Variants in PAQR3 observed in about 807,000 individuals in gnomAD.
The protein encoded by PAQR3 is progestin and adipoQ receptor family member 3, also known as Raf kinase trapping to Golgi.
In PAQR3, 39 loss-of-function variants were observed where a neutral mutation model predicts 41.7. The observed-to-expected ratio is 0.93, with a 90% CI of 0.72 to 1.22. The LOEUF is 1.22. Ranked by LOEUF, PAQR3 falls within the 50% of genes most tolerant of loss-of-function variation. The pLI is 0.00. For synonymous variants in PAQR3, 140 were observed against 140.6 expected, an observed-to-expected ratio of 1.00 and a Z score of 0.03; for missense variants, 366 against 385.6, an observed-to-expected ratio of 0.95 and a Z score of 0.42.
chr4:78,918,716 A>T lies in PAQR3; in HGVS notation c.*1823T>A, dbSNP rs1735346784. The T allele has an allele frequency of 1.0e-6, 1 of 970,380 alleles. No individual in the cohort carries two copies. The allele number at this position is 970,380 out of a possible 1,614,324, so 60.1% of individuals were successfully genotyped here. On this transcript the variant is annotated 3_prime_UTR_variant, in exon 6 of 6. Transcript: ENST00000512733. ...GATTCAATGTTTTTTTATTTTGAGAAAGTTTTATAATAAAAATGGCTCCAC... is the reference window on the plus strand; with the variant it reads ...GATTCAATGTTTTTTTATTTTGAGATAGTTTTATAATAAAAATGGCTCCAC...
chr4:78,910,908 C>G (rs368925933), downstream of PAQR3: 2 of 1,613,892 alleles, frequency 1.2e-6, no homozygotes, highest in Non-Finnish European at 1.7e-6. Flanking sequence ...ATAGGCCTCT[C>G]CTCATGGATT....
chr4:78,922,934 G>A (rs1735809738), intron 5 of PAQR3: 1 of 456,154 alleles, frequency 2.2e-6, no homozygotes, highest in Non-Finnish European at 4.4e-6. Flanking sequence ...GGAGACTGTT[G>A]TTCACTCCAC....
intron 2 of PAQR3, 106 bp from the exon 3 acceptor site, chr4:78,930,431 T>G: frequency 8.5e-7 from 1 of 1,182,390 alleles, no homozygotes. Flanking sequence ...ATTCAAACAT[T>G]TATGGGCTTG....
intron 11 of PAQR3, among the ~76,000 whole-genome samples, chr4:78,905,114 G>A (rs1577980398): frequency 6.6e-6 from 1 of 151,444 alleles, no homozygotes; most frequent in East Asian, 1.9e-4. Context: ...ATTCTTAGTT[G>A]GGGAACAGCA....
intron 12 of PAQR3, chr4:78,887,422 A>G: frequency 1.5e-6 from 1 of 668,294 alleles, no homozygotes; most frequent in South Asian, 1.8e-5. Context: ...TAGCCATCCT[A>G]CTCTTCTTAA....
rs1735236290 is a variant in PAQR3 at position 78,917,863 on chromosome 4, G to C, written c.*2676C>G. The stretch of plus-strand genomic sequence containing the variant: ...CCATAAGATGTGACAGACATTCCCT[G>C]AATCTTCGTTCCTGATTCTAAAATA... On this transcript the variant is annotated 3_prime_UTR_variant, in exon 6 of 6. Coordinates refer to ENST00000512733, the MANE Select transcript of PAQR3 (RefSeq NM_001040202.2). The C allele has an allele frequency of 3.0e-6, 3 of 985,422 alleles. No homozygotes were observed. The highest frequency in any genetic ancestry group is 3.6e-6 in the Non-Finnish European group (3 of 829,652). 61.0% of individuals were successfully genotyped at this position (985,422 alleles called of 1,614,324 possible). A position where few individuals can be genotyped will look rare whatever the true frequency, so the allele number is the denominator to read the frequency against.
intron 11 of PAQR3, chr4:78,899,158 A>C (rs1467865738): frequency 2.0e-5 from 3 of 152,348 alleles, no homozygotes; most frequent in African/African-American, 2.4e-5. Flanking sequence ...CTTCTCTTAA[A>C]GTAAGTCTAT....
chr4:78,909,955 A>C (rs755935972), downstream of PAQR3, among the ~76,000 whole-genome samples: 4 of 152,208 alleles, frequency 2.6e-5, no homozygotes, highest in African/African-American at 4.8e-5. Flanking sequence ...ATTTGTTTTT[A>C]AAGGAATCTC....
intron 3 of PAQR3, among the ~76,000 whole-genome samples, chr4:78,928,950 A>G (rs1211086819): frequency 1.3e-5 from 2 of 152,246 alleles, no homozygotes; most frequent in East Asian, 1.9e-4. Flanking sequence ...AATCCTTTGC[A>G]TGTGCAGTTC....
chr4:78,909,310 A>G (rs976963743), downstream of PAQR3, among the ~76,000 whole-genome samples: 5 of 152,094 alleles, frequency 3.3e-5, no homozygotes, highest in African/African-American at 9.7e-5. Context: ...TGCTGGGATT[A>G]CAGGGGTGAG....
chr4:78,935,020 G>T, intron 2 of PAQR3, 101 bp downstream of exon 2: 1 of 1,023,512 alleles, frequency 9.8e-7, no homozygotes. Flanking sequence ...CCATTCCGGG[G>T]CTCTTTAAAG....
chr4:78,892,274 G>A (rs973250286), intron 11 of PAQR3, among the ~76,000 whole-genome samples: 1 of 151,952 alleles, frequency 6.6e-6, no homozygotes, highest in Non-Finnish European at 1.5e-5. Flanking sequence ...TTATAGGGCC[G>A]TTTAGATGTT....
intron 5 of PAQR3, chr4:78,922,344 G>T (rs755909132): frequency 7.8e-7 from 1 of 1,288,466 alleles, no homozygotes; most frequent in Non-Finnish European, 1.0e-6. Flanking sequence ...TTTAGGCCAG[G>T]GTTTCTCACC....
chr4:78,890,706 T>C (rs150161183), intron 11 of PAQR3, among the ~76,000 whole-genome samples: 218 of 152,360 alleles, frequency 1.4e-3, no homozygotes, highest in African/African-American at 4.8e-3. Flanking sequence ...ATTTTCATTC[T>C]TCATTACATC....
chr4:78,911,403 C>G, downstream of PAQR3: 3 of 1,613,996 alleles, frequency 1.9e-6, no homozygotes, highest in Non-Finnish European at 2.5e-6. Context: ...GCAATGAGGA[C>G]CTTTTTGGGC....
intron 1 of PAQR3, among the ~76,000 whole-genome samples, chr4:78,938,160 T>G (rs1019475483): frequency 6.6e-6 from 1 of 152,248 alleles, no homozygotes; most frequent in Non-Finnish European, 1.5e-5. Flanking sequence ...ACAGCCCACA[T>G]TCTGGCACTA....
rs983236833 is a variant in PAQR3 at position 78,918,008 on chromosome 4, G to A, written c.*2531C>T. On this transcript the variant is annotated 3_prime_UTR_variant, in exon 6 of 6. Coordinates refer to ENST00000512733, the MANE Select transcript of PAQR3 (RefSeq NM_001040202.2). ...TGCAGCTTACTGAATTGCAGTTAGT[G>A]TAATAACAAAAAAAGACAAGCACTG... 6.1e-6 allele frequency: 6 copies of A among 982,056 alleles called. No individual in the cohort carries two copies. In the African/African-American group the frequency reaches 8.8e-5, roughly 14 times the overall value. The allele number at this position is 982,056 out of a possible 1,614,324, so 60.8% of individuals were successfully genotyped here. A position where few individuals can be genotyped will look rare whatever the true frequency, so the allele number is the denominator to read the frequency against.
At chr4:78,887,217 A>T in exon 13 of PAQR3, 1 of 1,612,026 alleles carries the variant, frequency 6.2e-7, no homozygotes, top group Non-Finnish European at 8.5e-7. Flanking sequence ...ATGTAGACTC[A>T]CTTTCTGCTC....
At chr4:78,897,256 A>G (rs1250940393) in intron 11 of PAQR3, among the ~76,000 whole-genome samples, 2 of 152,118 alleles carry the variant, frequency 1.3e-5, no homozygotes, top group Non-Finnish European at 2.9e-5. Flanking sequence ...ATCTTGGGGA[A>G]AAGTGCAGCT....
Sources: gnomAD v4.1 joint callset for allele counts (sites outside exome capture counted in the v4.1 genomes callset) on GRCh38, gnomAD v4.1.1 for gene constraint, MANE v1.5 for transcripts, NCBI Gene and HGNC (gene_info 2026-07-23, HGNC 2026-07-21) for gene names.